The following LRGUK variants were observed in gnomAD, a reference collection of about 807,000 sequenced individuals.
The protein encoded by LRGUK is leucine-rich repeat and guanylate kinase domain-containing protein.
In LRGUK, 65 loss-of-function variants were observed where a neutral mutation model predicts 76.0. That is an observed-to-expected ratio of 0.85 (90% CI 0.70 to 1.05). The LOEUF (loss-of-function observed/expected upper bound fraction) is 1.05, where lower values mean the gene tolerates loss of function less well. Among genes scored for constraint, LRGUK ranks in the 50% least tolerant of loss-of-function variants. The pLI is 0.00. For missense variants in LRGUK, 758 were observed against 732.8 expected, an observed-to-expected ratio of 1.03 and a Z score of -0.40; for synonymous variants, 268 against 265.6, an observed-to-expected ratio of 1.01 and a Z score of -0.09.
intron 16 of LRGUK, among the ~76,000 whole-genome samples, chr7:134,225,842 CA>C (rs887281620): frequency 6.6e-6 from 1 of 152,186 alleles, no homozygotes; most frequent in African/African-American, 2.4e-5. Context: ...ACCATCACAA[CA>C]GAAGATTCCG....
intron 17 of LRGUK, 48 bp from the exon 18 acceptor site, chr7:134,248,903 T>C (rs1802374271): frequency 7.3e-7 from 1 of 1,370,080 alleles, no homozygotes; most frequent in Non-Finnish European, 9.5e-7. Flanking sequence ...ACTTGGTATC[T>C]TTACAAAATC....
chr7:134,256,055 G>A (rs150516714), intron 18 of LRGUK, among the ~76,000 whole-genome samples: 126 of 152,144 alleles, frequency 8.3e-4, no homozygotes, highest in African/African-American at 2.8e-3. Flanking sequence ...GGGTTATGGC[G>A]CCCTCTTCCC....
At chr7:134,214,404 G>A (rs556767928), downstream of LRGUK, among the ~76,000 whole-genome samples, 25 of 152,200 alleles carry the variant, frequency 1.6e-4, no homozygotes, top group Admixed American at 1.0e-3. Context: ...CTAGTAATTC[G>A]AATCTGAGGA....
intron 9 of LRGUK, 47 bp downstream of exon 9, chr7:134,177,110 T>A (rs1338011381): frequency 2.5e-6 from 3 of 1,209,688 alleles, no homozygotes; most frequent in South Asian, 2.7e-5. Flanking sequence ...TGGGTTAATA[T>A]GCTCAAAAGC....
exon 4 of LRGUK, chr7:134,143,062 A>G (rs1396646999): frequency 6.5e-7 from 1 of 1,538,652 alleles, no homozygotes; most frequent in Non-Finnish European, 9.0e-7. Flanking sequence ...CCCTCCGTAG[A>G]TTTATCTTGT....
chr7:134,163,724 T>C (rs1798858382), intron 7 of LRGUK, among the ~76,000 whole-genome samples, 184 bp downstream of exon 7: 1 of 152,218 alleles, frequency 6.6e-6, no homozygotes, highest in Non-Finnish European at 1.5e-5. Flanking sequence ...ATACTTACAA[T>C]CTTAATTATT....
At chr7:134,248,868 G>A in intron 17 of LRGUK, 83 bp from the exon 18 acceptor site, 1 of 1,123,834 alleles carries the variant, frequency 8.9e-7, no homozygotes, top group Non-Finnish European at 1.1e-6. Context: ...GTTTATCTGG[G>A]ATATTTAGGT....
chr7:134,215,523 G>T (rs539255184), intron 15 of LRGUK, among the ~76,000 whole-genome samples: 8 of 152,082 alleles, frequency 5.3e-5, no homozygotes, highest in African/African-American at 1.9e-4. Flanking sequence ...TGGTGTATTG[G>T]CAGTTATGTT....
At chr7:134,225,709 A>C (rs752216769) in intron 16 of LRGUK, among the ~76,000 whole-genome samples, 2 of 152,196 alleles carry the variant, frequency 1.3e-5, no homozygotes, top group Non-Finnish European at 2.9e-5. Flanking sequence ...TTTCTTTTAA[A>C]GATTATGAAT....
At chr7:134,179,062 A>G (rs1279397123) in intron 10 of LRGUK, among the ~76,000 whole-genome samples, 1 of 151,894 alleles carries the variant, frequency 6.6e-6, no homozygotes, top group African/African-American at 2.4e-5. Flanking sequence ...GAAGCTAAAT[A>G]CCCTTGCCAA....
Position 134,245,972 on chromosome 7 carries a change from C to T in LRGUK, c.1984-1584C>T, listed in dbSNP as rs182287272. On this transcript the variant is annotated intron_variant, in intron 16 of 19. Transcript: ENST00000285928. ...TCTCATTACATCCTCCCCTGACTTT[C>T]CCAATACAATTTTCTCCTCATCTTG... Among the ~76,000 whole-genome samples the T allele has an allele frequency of 8.5e-5, 13 of 152,260 alleles. No individual in the cohort carries two copies. In the East Asian group the frequency reaches 2.5e-3, roughly 29 times the overall value.
Position 134,201,658 on chromosome 7 carries a change from C to A in LRGUK, c.1843+82C>A, listed in dbSNP as rs1003692736. On this transcript the variant is annotated intron_variant, in intron 15 of 15. Coordinates refer to ENST00000645682, the Ensembl canonical transcript of LRGUK. ...AAATCTGAGTTGCTATTTGGGTACTCATCACTTGGGCTAAAGCTGGTTCTC... is the reference window on the plus strand; with the variant it reads ...AAATCTGAGTTGCTATTTGGGTACTAATCACTTGGGCTAAAGCTGGTTCTC... 9.4e-6 allele frequency: 9 copies of A among 958,378 alleles called. No individual in the cohort carries two copies. In the African/African-American group the frequency reaches 1.3e-4, roughly 14 times the overall value. The allele number at this position is 958,378 out of a possible 1,614,324, so 59.4% of individuals were successfully genotyped here.
In LRGUK at chr7:134,183,635, A is replaced by G. The variant is rs969035951; in HGVS notation, c.1215-99A>G. The G allele has an allele frequency of 7.4e-6, 10 of 1,342,796 alleles. No homozygotes were observed. The African/African-American group carries it at 8.7e-5, about 12-fold the overall frequency. The allele number at this position is 1,342,796 out of a possible 1,614,324, so 83.2% of individuals were successfully genotyped here. ...CTTCTACGCAGGGTCTTATATAGCA[A>G]GTGCTCATTTAGCCAGGTTAATGGT... On this transcript the variant is annotated intron_variant, in intron 10 of 15. Coordinates refer to ENST00000645682, the Ensembl canonical transcript of LRGUK.
rs145771265 is a variant in LRGUK at position 134,179,106 on chromosome 7, C to T, written c.1214+497C>T. On this transcript the variant is annotated intron_variant, in intron 10 of 15. Transcript: ENST00000645682. ...CCATGAATTCACATTATTAGGGAGT[C>T]CCTTAGAAGGAAGCCCAGCTAGCCT... Among the ~76,000 whole-genome samples, 348 of 152,016 alleles carry T rather than the reference C, an allele frequency of 2.3e-3. 2 individuals carry two copies. Among genetic ancestry groups the T allele is most frequent in the African/African-American group, 8.0e-3 (332 of 41,354 alleles).
rs148422902 is a variant in LRGUK, at chr7:134,165,425, A to G, written c.939+1885A>G. Among the ~76,000 whole-genome samples the G allele has an allele frequency of 2.0e-3, 305 of 152,296 alleles. 2 individuals are homozygous for G. Among genetic ancestry groups the G allele is most frequent in the African/African-American group, 7.0e-3 (291 of 41,558 alleles). The stretch of plus-strand genomic sequence containing the variant: ...AGGGTGATATAGTGCATAAAATGCT[A>G]ATGGGCCTCCCTTCTGAAAGGGCCT... On this transcript the variant is annotated intron_variant, in intron 7 of 15. Coordinates refer to ENST00000645682, the Ensembl canonical transcript of LRGUK.
chr7:134,141,878 C>T (rs1797780663), intron 3 of LRGUK, among the ~76,000 whole-genome samples: 1 of 152,180 alleles, frequency 6.6e-6, no homozygotes, highest in Non-Finnish European at 1.5e-5. Flanking sequence ...ACTGTCTCTC[C>T]TGGAACTATT....
At chr7:134,171,399 ATG>A (rs904320817) in intron 7 of LRGUK, among the ~76,000 whole-genome samples, 6 of 151,608 alleles carry the variant, frequency 4.0e-5, no homozygotes, top group Non-Finnish European at 8.8e-5. Context: ...AAATATATAT[ATG>A]TGTGTATATA....
intron 17 of LRGUK, 69 bp from the exon 18 acceptor site, chr7:134,248,880 TAC>T: frequency 8.2e-7 from 1 of 1,217,272 alleles, no homozygotes; most frequent in Non-Finnish European, 1.1e-6. Context: ...TATTTAGGTA[TAC>T]ATGTGTGTAC....
intron 5 of LRGUK, among the ~76,000 whole-genome samples, chr7:134,156,969 A>G (rs1224429100): frequency 3.3e-5 from 5 of 152,192 alleles, no homozygotes; most frequent in Non-Finnish European, 7.4e-5. Context: ...ACTTGAGAGG[A>G]AAAACTGAGC....
Sources: gnomAD v4.1 joint callset for allele counts (sites outside exome capture counted in the v4.1 genomes callset) on GRCh38, gnomAD v4.1.1 for gene constraint, MANE v1.5 for transcripts, NCBI Gene and HGNC (gene_info 2026-07-23, HGNC 2026-07-21) for gene names.